Variants in ARHGAP42 observed in about 807,000 individuals in gnomAD.
ARHGAP42 encodes the protein rho GTPase-activating protein 42.
A neutral mutation model predicts 125.0 loss-of-function variants in ARHGAP42; 63 were observed. The observed-to-expected ratio is 0.50, with a 90% CI of 0.41 to 0.62. ARHGAP42 has a LOEUF of 0.62. ARHGAP42 is among the 20% of genes least tolerant of loss of function. ARHGAP42 has a pLI of 0.00. For missense variants in ARHGAP42, 766 were observed against 1,024.2 expected (o/e 0.75, Z 3.44); for synonymous variants, 339 against 351.0 (o/e 0.97, Z 0.38).
chr11:100,777,714 G>A (rs532792367), intron 2 of ARHGAP42, among the ~76,000 whole-genome samples: 1 of 151,982 alleles, frequency 6.6e-6, no homozygotes, highest in South Asian at 2.1e-4. Flanking sequence ...GCATTCAAAA[G>A]ATCATTAATA....
At chr11:100,713,908 A>G (rs1861606062) in intron 1 of ARHGAP42, among the ~76,000 whole-genome samples, 1 of 152,148 alleles carries the variant, frequency 6.6e-6, no homozygotes, top group Non-Finnish European at 1.5e-5. Context: ...TGTGGATTGA[A>G]TTTTACTGTA....
intron 16 of ARHGAP42, among the ~76,000 whole-genome samples, chr11:100,965,027 A>G (rs1013241193): frequency 2.0e-5 from 3 of 152,110 alleles, no homozygotes; most frequent in African/African-American, 7.2e-5. Context: ...GAAACTTACA[A>G]TCATGGTGGA....
intron 3 of ARHGAP42, among the ~76,000 whole-genome samples, chr11:100,817,459 T>G (rs1208439228): frequency 1.3e-5 from 2 of 152,174 alleles, no homozygotes; most frequent in Non-Finnish European, 2.9e-5. Context: ...CTTCTTATCT[T>G]TATTCTTTTT....
chr11:100,902,369 T>G (rs201376758), intron 4 of ARHGAP42, among the ~76,000 whole-genome samples: 7,923 of 152,258 alleles, frequency 0.052, 367 homozygotes, highest in East Asian at 0.25. Context: ...TGTTGATTTT[T>G]TTTCCTATCT....
At chr11:100,980,665 G>A (rs1452529042) in intron 22 of ARHGAP42, among the ~76,000 whole-genome samples, 4 of 140,388 alleles carry the variant, frequency 2.8e-5, no homozygotes, top group South Asian at 4.7e-4. Context: ...CTGCCTCCCA[G>A]GTTCAAGTGA....
intron 3 of ARHGAP42, among the ~76,000 whole-genome samples, chr11:100,849,373 G>A (rs1397359414): frequency 2.6e-5 from 4 of 152,162 alleles, no homozygotes; most frequent in Admixed American, 6.6e-5. Flanking sequence ...GACCAGGGCC[G>A]AGAGTTATAA....
chr11:100,727,882 G>A (rs182835782), intron 1 of ARHGAP42, among the ~76,000 whole-genome samples: 247 of 152,232 alleles, frequency 1.6e-3, no homozygotes, highest in Non-Finnish European at 2.9e-3. Context: ...TAGCCAAGTC[G>A]GACAGAAGTG....
intron 1 of ARHGAP42, among the ~76,000 whole-genome samples, chr11:100,741,215 C>T (rs1591141647): frequency 6.6e-6 from 1 of 151,970 alleles, no homozygotes; most frequent in South Asian, 2.1e-4. Context: ...ATTTTTAGTA[C>T]AGACGGGGTT....
intron 4 of ARHGAP42, among the ~76,000 whole-genome samples, chr11:100,884,892 G>C (rs1333717899): frequency 6.6e-6 from 1 of 152,154 alleles, no homozygotes; most frequent in Non-Finnish European, 1.5e-5. Flanking sequence ...AGAATCATTT[G>C]GGTGAGGGTC....
chr11:100,936,439 T>G, intron 8 of ARHGAP42, 107 bp downstream of exon 8: 13 of 1,398,724 alleles, frequency 9.3e-6, no homozygotes, highest in Middle Eastern at 3.6e-4. Flanking sequence ...AAATTTCTTA[T>G]AGCTTTATAT....
chr11:100,870,486 A>G (rs975996811), intron 4 of ARHGAP42, among the ~76,000 whole-genome samples: 1 of 152,196 alleles, frequency 6.6e-6, no homozygotes, highest in African/African-American at 2.4e-5. Context: ...CATGATACCT[A>G]GTTTGGCCCT....
At chr11:100,721,861 G>C (rs141836028) in intron 1 of ARHGAP42, among the ~76,000 whole-genome samples, 1 of 152,090 alleles carries the variant, frequency 6.6e-6, no homozygotes, top group African/African-American at 2.4e-5. Context: ...AGGTCATTTT[G>C]GTTGCTTCCA....
chr11:100,859,888 A>T (rs1189098676), intron 4 of ARHGAP42: 1 of 270,410 alleles, frequency 3.7e-6, no homozygotes, highest in African/African-American at 2.2e-5. Flanking sequence ...TTTTGAAGAC[A>T]CGGTGAAATT....
intron 12 of ARHGAP42, among the ~76,000 whole-genome samples, chr11:100,952,571 C>T (rs1591317716): frequency 6.6e-6 from 1 of 151,932 alleles, no homozygotes; most frequent in East Asian, 1.9e-4. Flanking sequence ...AATTTGCTCA[C>T]CCAAACAGAA....
At chr11:100,921,342 C>T (rs1392031225) in intron 5 of ARHGAP42, among the ~76,000 whole-genome samples, 152 bp from the exon 6 acceptor site, 1 of 143,284 alleles carries the variant, frequency 7.0e-6, no homozygotes, top group African/African-American at 2.6e-5. Flanking sequence ...AGCTCCTGCC[C>T]CATACACTAT....
chr11:100,774,737 A>C (rs1035390744), intron 2 of ARHGAP42, among the ~76,000 whole-genome samples: 15 of 148,420 alleles, frequency 1.0e-4, no homozygotes, highest in Non-Finnish European at 1.5e-4. Flanking sequence ...GTGTTATTCT[A>C]TCAGTATAAT....
chr11:100,864,010 A>G (rs529146475), intron 4 of ARHGAP42, among the ~76,000 whole-genome samples: 3 of 152,284 alleles, frequency 2.0e-5, no homozygotes, highest in South Asian at 2.1e-4. Flanking sequence ...ATGAATCACA[A>G]TTGTTTTTTT....
chr11:100,709,723 T>C (rs979863414), intron 1 of ARHGAP42, among the ~76,000 whole-genome samples: 18 of 152,348 alleles, frequency 1.2e-4, no homozygotes, highest in African/African-American at 4.3e-4. Flanking sequence ...TTGAAGGTGA[T>C]ACTTATGTGT....
At chr11:100,762,320 C>T (rs983372385) in intron 1 of ARHGAP42, among the ~76,000 whole-genome samples, 2 of 152,162 alleles carry the variant, frequency 1.3e-5, no homozygotes, top group Admixed American at 6.5e-5. Flanking sequence ...GCAGGGTAGC[C>T]TGTGCTTTTT....
Sources: gnomAD v4.1 joint callset for allele counts (sites outside exome capture counted in the v4.1 genomes callset) on GRCh38, gnomAD v4.1.1 for gene constraint, MANE v1.5 for transcripts, NCBI Gene and HGNC (gene_info 2026-07-23, HGNC 2026-07-21) for gene names.